RHOQ: variants seen among roughly 807,000 people sequenced by gnomAD.
The protein encoded by RHOQ is rho-related GTP-binding protein RhoQ.
In RHOQ, 7 loss-of-function variants were observed where a neutral mutation model predicts 25.8. The observed-to-expected ratio is 0.27, with a 90% confidence interval of 0.15 to 0.51. The LOEUF (loss-of-function observed/expected upper bound fraction) is 0.51, where lower values mean the gene tolerates loss of function less well. Ranked by LOEUF, RHOQ falls within the 20% of genes least tolerant of loss-of-function variation. The pLI, the probability that RHOQ is intolerant of heterozygous loss-of-function variation, is 0.97. For missense variants in RHOQ, 165 were observed against 260.6 expected (o/e 0.63, Z 2.53); for synonymous variants, 97 against 98.6 (o/e 0.98, Z 0.10).
rs1669390495 is a variant in RHOQ, at chr2:46,581,816, T to G, written c.*733T>G. On this transcript the variant is annotated 3_prime_UTR_variant, in exon 5 of 5. Transcript: ENST00000238738. ...GCTTCTGGCAATTGTAGATTTAGTT[T>G]GACGCTCCCCAAAGTGCATGAGACA... 2.0e-6 allele frequency: 1 copy of G among 494,494 alleles called. No individual in the cohort carries two copies. Among genetic ancestry groups the G allele is most frequent in the Admixed American group, 4.3e-5 (1 of 23,520 alleles). The allele number at this position is 494,494 out of a possible 1,614,324, so 30.6% of individuals were successfully genotyped here.
chr2:46,574,157 T>C (rs1174600201), intron 2 of RHOQ, among the ~76,000 whole-genome samples: 4 of 152,210 alleles, frequency 2.6e-5, no homozygotes, highest in Non-Finnish European at 5.9e-5. Context: ...CACTATTTCA[T>C]TTATTCCTCA....
intron 2 of RHOQ, among the ~76,000 whole-genome samples, chr2:46,553,490 T>G (rs796687524): frequency 2.2e-4 from 33 of 152,302 alleles, no homozygotes; most frequent in African/African-American, 7.5e-4. Context: ...ACAATCCAAT[T>G]ACAGTCTTTG....
intron 2 of RHOQ, among the ~76,000 whole-genome samples, chr2:46,565,681 G>A (rs1046566493): frequency 5.3e-5 from 8 of 152,224 alleles, no homozygotes; most frequent in African/African-American, 1.9e-4. Context: ...CTAGCACTGT[G>A]CAAGCTACCT....
Position 46,542,609 on chromosome 2 carries a change from TG to T in RHOQ, c.-435del, listed in dbSNP as rs1243538898. On this transcript the variant is annotated 5_prime_UTR_variant, in exon 1 of 5. Transcript: ENST00000238738. Reference sequence around the variant, plus strand: ...CGCGGGCCGCGCTCGGGGAGGCGCCTGGGCCCGCCCTCCTCCGGGGCGCCGC... The same window carrying T: ...CGCGGGCCGCGCTCGGGGAGGCGCCTGGCCCGCCCTCCTCCGGGGCGCCGC... 1 of 146,206 alleles carries T rather than the reference TG, an allele frequency of 6.8e-6. No individual in the cohort carries two copies. Among genetic ancestry groups the T allele is most frequent in the African/African-American group, 2.5e-5 (1 of 40,702 alleles). 9.1% of individuals were successfully genotyped at this position (146,206 alleles called of 1,614,324 possible).
rs1261096198 is a variant in RHOQ at position 46,576,388 on chromosome 2, A to G, written c.366+137A>G. 3 of 953,022 alleles carry G rather than the reference A, an allele frequency of 3.1e-6. No homozygotes were observed. Among genetic ancestry groups the G allele is most frequent in the Admixed American group, 5.4e-5 (2 of 36,756 alleles). 59.0% of individuals were successfully genotyped at this position (953,022 alleles called of 1,614,324 possible). Reference sequence around the variant, plus strand: ...CAGCTGCAAGTTAATGAGTTCTATCATATTTTTGGAAAAAATTGTGCCAAA... The same window carrying G: ...CAGCTGCAAGTTAATGAGTTCTATCGTATTTTTGGAAAAAATTGTGCCAAA... On this transcript the variant is annotated intron_variant, in intron 3 of 4. Coordinates refer to ENST00000238738, the MANE Select transcript of RHOQ (RefSeq NM_012249.4). This position sits in a 1 kb window ranked among gnomAD's most constrained non-coding sequence, Gnocchi z 5.1.
chr2:46,562,138 C>T (rs995635678), intron 2 of RHOQ, among the ~76,000 whole-genome samples: 9 of 152,124 alleles, frequency 5.9e-5, no homozygotes, highest in Non-Finnish European at 1.2e-4. Flanking sequence ...GGGACCTAGC[C>T]GGTTCCTATG....
intron 2 of RHOQ, among the ~76,000 whole-genome samples, chr2:46,549,796 G>T (rs529134131): frequency 2.0e-4 from 31 of 152,256 alleles, no homozygotes; most frequent in African/African-American, 7.2e-4. Flanking sequence ...TGGGTAGAAC[G>T]CTCTCCTGCC....
intron 2 of RHOQ, among the ~76,000 whole-genome samples, chr2:46,544,635 C>G (rs955933189): frequency 6.6e-6 from 1 of 152,252 alleles, no homozygotes; most frequent in Non-Finnish European, 1.5e-5. Context: ...CAGCCTCTTC[C>G]CAAACCCACT....
At chr2:46,547,160 C>T (rs1488537701) in intron 2 of RHOQ, among the ~76,000 whole-genome samples, 1 of 152,190 alleles carries the variant, frequency 6.6e-6, no homozygotes, top group African/African-American at 2.4e-5. Context: ...CAGCTCATGG[C>T]ACTACAGGTC....
At chr2:46,567,773 A>C (rs996144122) in intron 2 of RHOQ, among the ~76,000 whole-genome samples, 3 of 152,094 alleles carry the variant, frequency 2.0e-5, no homozygotes, top group African/African-American at 7.2e-5. Context: ...AAATTCATTA[A>C]AGTCTGAGGG....
chr2:46,560,651 C>T, intron 2 of RHOQ: 1 of 455,930 alleles, frequency 2.2e-6, no homozygotes, highest in South Asian at 1.5e-5. Context: ...CTGTTGTGTC[C>T]ACTAGCTCCA....
At position 46,577,430 on chromosome 2, in the gene RHOQ, C is replaced by T. The variant is rs568372162; in HGVS notation, c.462+774C>T. ...TTTTTTTTTTTTTGAGACGGAGTCCCACTCTGTGGCCCAGGTTGGAGTGCA... is the reference window on the plus strand; with the variant it reads ...TTTTTTTTTTTTTGAGACGGAGTCCTACTCTGTGGCCCAGGTTGGAGTGCA... On this transcript the variant is annotated intron_variant, in intron 4 of 4. Coordinates refer to ENST00000238738, the MANE Select transcript of RHOQ (RefSeq NM_012249.4). 2.8e-5 allele frequency among the ~76,000 whole-genome samples: 4 copies of T among 144,718 alleles called. No individual in the cohort carries two copies. In the East Asian group the frequency reaches 7.9e-4, roughly 29 times the overall value. 94.9% of individuals were successfully genotyped at this position (144,718 alleles called of 152,430 possible). A position where few individuals can be genotyped will look rare whatever the true frequency, so the allele number is the denominator to read the frequency against.
chr2:46,551,111 ACCTTCG>A (rs1466382000), intron 2 of RHOQ, among the ~76,000 whole-genome samples: 1 of 152,198 alleles, frequency 6.6e-6, no homozygotes, highest in East Asian at 1.9e-4. Context: ...AAGGGGCTTA[ACCTTCG>A]GAAACCTGTT....
intron 2 of RHOQ, among the ~76,000 whole-genome samples, chr2:46,547,548 C>T (rs943256226): frequency 6.6e-6 from 1 of 152,242 alleles, no homozygotes; most frequent in East Asian, 1.9e-4. Context: ...GGAACACTTC[C>T]CCTCTGTTGG....
At position 46,556,920 on chromosome 2, in the gene RHOQ, C is replaced by T. The variant is rs1306904204; in HGVS notation, c.201+13108C>T. 2.0e-5 allele frequency among the ~76,000 whole-genome samples: 3 copies of T among 152,058 alleles called. No homozygotes were observed. Among genetic ancestry groups the T allele is most frequent in the Non-Finnish European group, 4.4e-5 (3 of 68,032 alleles). ...TACATGGGTCTGATTTATGTTAACTCGTAAGAGATCAGCCTATAAATGAGG... is the reference window on the plus strand; with the variant it reads ...TACATGGGTCTGATTTATGTTAACTTGTAAGAGATCAGCCTATAAATGAGG... On this transcript the variant is annotated intron_variant, in intron 2 of 4. Transcript: ENST00000238738. The surrounding 1 kb of genome is among the most constrained non-coding windows in gnomAD (Gnocchi z 4.9).
At chr2:46,547,074 A>G (rs1001491128) in intron 2 of RHOQ, among the ~76,000 whole-genome samples, 2 of 152,224 alleles carry the variant, frequency 1.3e-5, no homozygotes, top group African/African-American at 4.8e-5. Flanking sequence ...TTAGAGTTCC[A>G]TGCAGAATTT....
chr2:46,559,660 TC>T (rs1668510116), intron 2 of RHOQ, among the ~76,000 whole-genome samples: 2 of 152,158 alleles, frequency 1.3e-5, no homozygotes, highest in Non-Finnish European at 2.9e-5. Context: ...CAGAAATGTC[TC>T]CAGATATTGC....
In RHOQ at chr2:46,576,819, G is replaced by A. The variant is rs919265104; in HGVS notation, c.462+163G>A. 2.0e-6 allele frequency: 1 copy of A among 496,146 alleles called. No individual in the cohort carries two copies. The highest frequency in any genetic ancestry group is 4.0e-5 in the Admixed American group (1 of 25,298). 30.7% of individuals were successfully genotyped at this position (496,146 alleles called of 1,614,324 possible). The stretch of plus-strand genomic sequence containing the variant: ...TCAGTGAGGTAGGTCTGTTTCCCCT[G>A]TTACACAGAAGAGACAGTGGAGGCT... On this transcript the variant is annotated intron_variant, in intron 4 of 4. Transcript: ENST00000238738. The surrounding 1 kb of genome is among the most constrained non-coding windows in gnomAD (Gnocchi z 5.1).
intron 1 of RHOQ, 37 bp downstream of exon 1, chr2:46,543,225 C>G: frequency 6.2e-7 from 1 of 1,608,580 alleles, no homozygotes. Context: ...GGCCGCTCCC[C>G]GGGCCGGGAA....
Sources: gnomAD v4.1 joint callset for allele counts (sites outside exome capture counted in the v4.1 genomes callset) on GRCh38, gnomAD v4.1.1 for gene constraint, Gnocchi (gnomAD v3.1) non-coding constraint, MANE v1.5 for transcripts, NCBI Gene and HGNC (gene_info 2026-07-23, HGNC 2026-07-21) for gene names.